Variants in RANBP17 observed in about 807,000 individuals in gnomAD.
RANBP17 encodes RAN binding protein 17, also known as ran-binding protein 17.
A neutral mutation model predicts 141.2 loss-of-function variants in RANBP17; 158 were observed. The observed-to-expected ratio is 1.12, with a 90% confidence interval of 0.98 to 1.28. The LOEUF is 1.28. Among genes scored for constraint, RANBP17 ranks in the 50% most tolerant of loss-of-function variants. The probability of loss-of-function intolerance (pLI) is 0.00; values close to 1 mark genes in which losing one functional copy is unlikely to be tolerated. For missense variants in RANBP17, 1,438 were observed against 1,290.7 expected (o/e 1.11, Z -1.75); for synonymous variants, 430 against 450.0 (o/e 0.96, Z 0.56).
At chr5:170,944,438 G>C (rs3849706) in intron 12 of RANBP17, among the ~76,000 whole-genome samples, 97,675 of 151,978 alleles carry the variant, frequency 0.64, 32,065 homozygotes, top group South Asian at 0.88. Flanking sequence ...AGCTAATTTT[G>C]ATATTTTTTG....
chr5:171,190,700 A>C lies in RANBP17; in HGVS notation c.2038+7270A>C, dbSNP rs77075541. 4.9e-3 allele frequency among the ~76,000 whole-genome samples: 739 copies of C among 152,354 alleles called. 12 individuals carry two copies. In the East Asian group the frequency reaches 0.049, roughly 10 times the overall value. On this transcript the variant is annotated intron_variant, in intron 18 of 27. Transcript: ENST00000523189. The stretch of plus-strand genomic sequence containing the variant: ...CCTCCAGGGAGCTATTCAGTATAAA[A>C]TACTTGAATAAATAAAAATCTTCTA...
chr5:170,955,576 CTG>C (rs1282108015), intron 13 of RANBP17, among the ~76,000 whole-genome samples: 3,113 of 17,244 alleles, frequency 0.18, 509 homozygotes, highest in Middle Eastern at 0.38. Context: ...TATGCTCAGT[CTG>C]TGTGTATATA....
intron 12 of RANBP17, among the ~76,000 whole-genome samples, chr5:170,950,311 G>C (rs1483236812): frequency 1.3e-5 from 2 of 151,862 alleles, no homozygotes; most frequent in East Asian, 3.9e-4. Context: ...CCTGTTGAAT[G>C]GGAGAAAATA....
intron 14 of RANBP17, among the ~76,000 whole-genome samples, chr5:170,978,104 G>T (rs751733619): frequency 6.6e-6 from 1 of 152,008 alleles, no homozygotes; most frequent in Non-Finnish European, 1.5e-5. Flanking sequence ...ATATAAAAAG[G>T]TGTTCAGTAT....
chr5:171,102,792 C>CT (rs887416579), intron 14 of RANBP17, among the ~76,000 whole-genome samples: 32 of 147,956 alleles, frequency 2.2e-4, no homozygotes, highest in South Asian at 1.1e-3. Flanking sequence ...CTTCGTTGTC[C>CT]TTTTTTTTTT....
intron 14 of RANBP17, among the ~76,000 whole-genome samples, chr5:171,056,158 T>A (rs781366794): frequency 2.6e-5 from 4 of 152,184 alleles, no homozygotes; most frequent in Non-Finnish European, 5.9e-5. Flanking sequence ...ACTTCAGTTT[T>A]CTATTAGTTC....
At chr5:171,163,863 C>G (rs1050491901) in intron 14 of RANBP17, among the ~76,000 whole-genome samples, 2 of 152,136 alleles carry the variant, frequency 1.3e-5, no homozygotes, top group Non-Finnish European at 2.9e-5. Context: ...TTGACTTCTA[C>G]TGCACTGTTA....
At chr5:171,150,413 A>G (rs1758389284) in intron 14 of RANBP17, among the ~76,000 whole-genome samples, 1 of 151,936 alleles carries the variant, frequency 6.6e-6, no homozygotes, top group African/African-American at 2.4e-5. Context: ...ATTAATTTAT[A>G]TGTCCCCTCT....
intron 20 of RANBP17, chr5:171,207,357 A>G (rs1208534798): frequency 6.6e-6 from 1 of 152,206 alleles, no homozygotes; most frequent in African/African-American, 2.4e-5. Context: ...TCAAAGAAGA[A>G]CTATCTGCCG....
At chr5:171,054,718 C>T (rs1394672964) in intron 14 of RANBP17, among the ~76,000 whole-genome samples, 1 of 152,122 alleles carries the variant, frequency 6.6e-6, no homozygotes, top group Non-Finnish European at 1.5e-5. Flanking sequence ...TAGGCCTCAA[C>T]CTTATTTTAC....
At chr5:170,996,815 C>G (rs1467030785) in intron 14 of RANBP17, among the ~76,000 whole-genome samples, 1 of 152,092 alleles carries the variant, frequency 6.6e-6, no homozygotes, top group Non-Finnish European at 1.5e-5. Context: ...GCATTAGTTT[C>G]TATAAAATTG....
chr5:170,913,131 A>C, intron 7 of RANBP17, among the ~76,000 whole-genome samples: 1 of 152,146 alleles, frequency 6.6e-6, no homozygotes, highest in Middle Eastern at 3.4e-3. Context: ...TAGAATAAAG[A>C]CATTTTCAGA....
chr5:171,220,903 A>G lies in RANBP17; in HGVS notation c.2340-855A>G, dbSNP rs371578180. On this transcript the variant is annotated intron_variant, in intron 21 of 27. Transcript: ENST00000523189. ...AACTTGTATGCCAGCAATCATGTTC[A>G]TAATAATATTTCTAATAGGTAATCA... is the stretch of plus-strand genomic sequence containing the variant. 1.4e-4 allele frequency among the ~76,000 whole-genome samples: 21 copies of G among 152,372 alleles called. No homozygotes were observed. In the East Asian group the frequency reaches 3.1e-3, roughly 22 times the overall value.
chr5:171,172,554 A>G (rs1476314927), intron 16 of RANBP17, among the ~76,000 whole-genome samples: 1 of 151,586 alleles, frequency 6.6e-6, no homozygotes, highest in Non-Finnish European at 1.5e-5. Flanking sequence ...TTTTCTAATA[A>G]TAATGCTGAA....
rs911616413 is a variant in RANBP17, at chr5:171,125,955, T to C, written c.1711-44175T>C. Reference sequence around the variant, plus strand: ...GGCGCGCACCACCACACCTGGCTATTTTTTGTATTTTTAGTAGAGATGGAG... The same window carrying C: ...GGCGCGCACCACCACACCTGGCTATCTTTTGTATTTTTAGTAGAGATGGAG... On this transcript the variant is annotated intron_variant, in intron 14 of 27. Coordinates refer to ENST00000523189, the MANE Select transcript of RANBP17 (RefSeq NM_022897.5). 3.2e-4 allele frequency among the ~76,000 whole-genome samples: 48 copies of C among 152,212 alleles called. No homozygotes were observed. In the East Asian group the frequency reaches 8.5e-3, roughly 27 times the overall value.
At chr5:171,287,661 T>C (rs1768253001) in intron 25 of RANBP17, among the ~76,000 whole-genome samples, 1 of 152,066 alleles carries the variant, frequency 6.6e-6, no homozygotes, top group South Asian at 2.1e-4. Context: ...TCTCACCTTT[T>C]CTTTGGTCTG....
intron 14 of RANBP17, among the ~76,000 whole-genome samples, chr5:171,121,033 T>C (rs566617201): frequency 1.2e-4 from 19 of 152,368 alleles, no homozygotes; most frequent in Admixed American, 1.0e-3. Flanking sequence ...AGTGTCTCAA[T>C]GGCCTAGAAT....
At chr5:171,174,446 G>C (rs1760303716) in intron 16 of RANBP17, among the ~76,000 whole-genome samples, 1 of 152,140 alleles carries the variant, frequency 6.6e-6, no homozygotes, top group South Asian at 2.1e-4. Context: ...GGGAAAACTG[G>C]AGAGAGAATA....
intron 22 of RANBP17, among the ~76,000 whole-genome samples, chr5:171,224,216 G>A (rs1390168674): frequency 6.6e-6 from 1 of 152,112 alleles, no homozygotes; most frequent in South Asian, 2.1e-4. Flanking sequence ...CCAGTGATTA[G>A]TTTTTATTTC....
Sources: allele counts gnomAD v4.1 joint callset (sites outside exome capture counted in the v4.1 genomes callset), GRCh38; gene constraint gnomAD v4.1.1; transcripts MANE v1.5; gene names NCBI Gene and HGNC (gene_info 2026-07-23, HGNC 2026-07-21).